Variants in CNTN5 observed in about 807,000 individuals in gnomAD.
The protein encoded by CNTN5 is contactin 5.
Under a neutral mutation model 129.1 loss-of-function variants are expected in CNTN5, and 77 were observed. The ratio of observed to expected loss-of-function variants is 0.60; its 90% CI spans 0.50 to 0.72. The LOEUF is 0.72. CNTN5 is among the 30% of genes least tolerant of loss of function. The pLI is 0.00. For synonymous variants in CNTN5, 509 were observed against 465.6 expected (o/e 1.09, Z -1.20); for missense variants, 1,478 against 1,328.8 (o/e 1.11, Z -1.75).
At chr11:100,174,968 C>T (rs10894564) in intron 13 of CNTN5, among the ~76,000 whole-genome samples, 11,829 of 152,132 alleles carry the variant, frequency 0.078, 476 homozygotes, top group Non-Finnish European at 0.088. Context: ...GGTGACAGCA[C>T]AGCCTTTCTT....
intron 7 of CNTN5, among the ~76,000 whole-genome samples, chr11:99,920,734 G>T (rs1949916612): frequency 6.6e-6 from 1 of 152,040 alleles, no homozygotes; most frequent in Non-Finnish European, 1.5e-5. Flanking sequence ...CAGCTCTCTT[G>T]GGCCTTACTT....
intron 17 of CNTN5, among the ~76,000 whole-genome samples, chr11:100,257,506 C>A (rs73563732): frequency 0.018 from 2,764 of 152,278 alleles, 103 homozygotes; most frequent in African/African-American, 0.064. Flanking sequence ...CAACTCCCAG[C>A]AGGGAGTTGT....
At chr11:99,100,470 G>A (rs184955713) in intron 1 of CNTN5, among the ~76,000 whole-genome samples, 14 of 151,994 alleles carry the variant, frequency 9.2e-5, no homozygotes, top group Admixed American at 6.5e-4. Context: ...GCTTTCATTT[G>A]TTTTTTACTC....
chr11:100,088,278 C>G (rs182721029), intron 13 of CNTN5, among the ~76,000 whole-genome samples: 115 of 151,834 alleles, frequency 7.6e-4, no homozygotes, highest in African/African-American at 2.4e-3. Flanking sequence ...AAATGCCTAC[C>G]TTGAAACATG....
At position 99,831,840 on chromosome 11, in the gene CNTN5, T is replaced by G. The variant is rs1432938972; in HGVS notation, c.277+12075T>G. Among the ~76,000 whole-genome samples the G allele has an allele frequency of 2.0e-5, 3 of 152,182 alleles. No homozygotes were observed. In the East Asian group the frequency reaches 5.8e-4, roughly 29 times the overall value. ...CTCATGAGGCACCTACCTACTAAGGTTTTTCACCTTTCCAATTTGCTTCAA... is the reference window on the plus strand; with the variant it reads ...CTCATGAGGCACCTACCTACTAAGGGTTTTCACCTTTCCAATTTGCTTCAA... On this transcript the variant is annotated intron_variant, in intron 4 of 24. Coordinates refer to ENST00000524871, the MANE Select transcript of CNTN5 (RefSeq NM_014361.4).
intron 13 of CNTN5, among the ~76,000 whole-genome samples, chr11:100,115,115 T>TAAAAAAAAAAAAAAAAAAAAAAA (rs11388029): frequency 1.3e-5 from 1 of 78,404 alleles, no homozygotes; most frequent in Non-Finnish European, 2.3e-5. Flanking sequence ...AGGTATACAG[T>TAAAAAAAAAAAAAAAAAAAAAAA]AAAAAAAAAA....
chr11:100,063,521 C>T (rs1943566750), intron 10 of CNTN5, among the ~76,000 whole-genome samples: 1 of 151,970 alleles, frequency 6.6e-6, no homozygotes, highest in Non-Finnish European at 1.5e-5. Context: ...TAGCTTTCTA[C>T]CAGGCTCCAT....
intron 1 of CNTN5, among the ~76,000 whole-genome samples, chr11:99,281,220 T>C (rs1863680849): frequency 6.6e-6 from 1 of 151,892 alleles, no homozygotes. Flanking sequence ...GAGTTTTTAT[T>C]TAATATGTTT....
At chr11:99,908,780 A>G (rs1014666356) in intron 6 of CNTN5, among the ~76,000 whole-genome samples, 2 of 152,162 alleles carry the variant, frequency 1.3e-5, no homozygotes, top group Admixed American at 6.6e-5. Context: ...ACAGTTTATC[A>G]TTTCACAAAA....
intron 3 of CNTN5, among the ~76,000 whole-genome samples, chr11:99,580,648 T>A (rs1240935009): frequency 1.3e-5 from 2 of 152,184 alleles, no homozygotes; most frequent in African/African-American, 2.4e-5. Flanking sequence ...CTGATGGTAG[T>A]TTGTAGTTCT....
intron 13 of CNTN5, among the ~76,000 whole-genome samples, chr11:100,169,367 T>G (rs796321513): frequency 6.6e-6 from 1 of 151,930 alleles, no homozygotes; most frequent in African/African-American, 2.4e-5. Context: ...TTGCCACCAG[T>G]TACTTAAACT....
At chr11:100,170,720 T>C (rs1267307966) in intron 13 of CNTN5, among the ~76,000 whole-genome samples, 1 of 151,926 alleles carries the variant, frequency 6.6e-6, no homozygotes, top group Non-Finnish European at 1.5e-5. Context: ...GAGTACAAAT[T>C]GGAAGTCAGA....
chr11:99,953,341 G>T lies in CNTN5; in HGVS notation c.674-3465G>T, dbSNP rs142967476. 2.9e-3 allele frequency among the ~76,000 whole-genome samples: 448 copies of T among 152,256 alleles called. 7 individuals are homozygous for T. The highest frequency in any genetic ancestry group is 0.01 in the African/African-American group (432 of 41,546). On this transcript the variant is annotated intron_variant, in intron 7 of 24. Transcript: ENST00000524871. ...ATCAGTTGCAGCAATTGCATAGAAA[G>T]TCTGCAATATTTGAATCCCTAAAAT...
At chr11:99,315,049 A>G (rs1341894721) in intron 1 of CNTN5, among the ~76,000 whole-genome samples, 2 of 147,774 alleles carry the variant, frequency 1.4e-5, no homozygotes, top group East Asian at 3.9e-4. Flanking sequence ...TTAAGTAGCA[A>G]TTAAAGTAAT....
chr11:99,981,554 C>T (rs1938350842), intron 8 of CNTN5, among the ~76,000 whole-genome samples: 1 of 152,140 alleles, frequency 6.6e-6, no homozygotes, highest in South Asian at 2.1e-4. Context: ...CACAAACACA[C>T]CCCAAAATAA....
At chr11:100,004,439 C>T (rs1940068724) in intron 9 of CNTN5, among the ~76,000 whole-genome samples, 4 of 152,126 alleles carry the variant, frequency 2.6e-5, no homozygotes, top group African/African-American at 4.8e-5. Flanking sequence ...TATGAATGTA[C>T]ATGTTATCTA....
At chr11:100,351,678 A>C (rs2139040730) in intron 24 of CNTN5, among the ~76,000 whole-genome samples, 1 of 149,516 alleles carries the variant, frequency 6.7e-6, no homozygotes, top group South Asian at 2.1e-4. Flanking sequence ...AAAAAAAAGC[A>C]AAAATTAGGC....
intron 3 of CNTN5, among the ~76,000 whole-genome samples, chr11:99,669,266 A>G (rs1204478326): frequency 6.6e-6 from 1 of 152,166 alleles, no homozygotes; most frequent in Non-Finnish European, 1.5e-5. Flanking sequence ...GAGAAAAGCT[A>G]TAAAAGATTG....
At chr11:99,579,279 G>A (rs1949483313) in intron 3 of CNTN5, among the ~76,000 whole-genome samples, 1 of 150,740 alleles carries the variant, frequency 6.6e-6, no homozygotes, top group African/African-American at 2.4e-5. Flanking sequence ...CTCCAGCTTT[G>A]TTCTTTTGGC....
Sources: allele counts gnomAD v4.1 joint callset (sites outside exome capture counted in the v4.1 genomes callset), GRCh38; gene constraint gnomAD v4.1.1; transcripts MANE v1.5; gene names NCBI Gene and HGNC (gene_info 2026-07-23, HGNC 2026-07-21).